The following BAHCC1 variants were observed in gnomAD, a reference collection of about 807,000 sequenced individuals.
The protein encoded by BAHCC1 is BAH domain and coiled-coil containing 1.
Under a neutral mutation model 88.2 loss-of-function variants are expected in BAHCC1, and 43 were observed. That is an observed-to-expected ratio of 0.49 (90% confidence interval 0.38 to 0.63). The LOEUF (loss-of-function observed/expected upper bound fraction) is 0.63. Among genes scored for constraint, BAHCC1 ranks in the 20% least tolerant of loss-of-function variants. The probability of loss-of-function intolerance (pLI) is 0.00; values close to 1 mark genes in which losing one functional copy is unlikely to be tolerated. For missense variants in BAHCC1, 3,023 were observed against 1,654.8 expected (o/e 1.83, Z -14.34); for synonymous variants, 1,510 against 745.5 (o/e 2.03, Z -16.71).
At chr17:81,456,645 G>A in intron 16 of BAHCC1, 60 bp downstream of exon 16, 1 of 659,484 alleles carries the variant, frequency 1.5e-6, no homozygotes, top group South Asian at 1.7e-5. Flanking sequence ...CTCGGGGGCT[G>A]GAGGAGGGGG....
intron 14 of BAHCC1, among the ~76,000 whole-genome samples, chr17:81,453,632 T>G (rs2064689828): frequency 6.7e-6 from 1 of 149,296 alleles, no homozygotes; most frequent in South Asian, 2.2e-4. Context: ...AGGTGTCTCC[T>G]GGGGGGGGGT....
chr17:81,459,461 CA>C (rs781788077), intron 22 of BAHCC1, 34 bp from the exon 23 acceptor site: 1 of 777,474 alleles, frequency 1.3e-6, no homozygotes, highest in South Asian at 1.3e-5. Context: ...GGCCAGGCCC[CA>C]CCTGCTCATG....
rs1555658941 is a variant in BAHCC1 at position 81,460,642 on chromosome 17, A to G, written c.6138A>G (p.Lys2046=). The change falls in exon 25 of 28, where the codon AAA becomes AAG. Residue 2046 remains lysine (K), a synonymous_variant. Transcript: ENST00000675386. ...SEAATPSLSP[K]AQDGPEALKT... is the part of the protein sequence containing the mutation. ...CCGCCACCCCCAGCCTGTCCCCCAA[A>G]GCACAGGACGGCCCCGAAGCTTTGA... is the stretch of plus-strand genomic sequence containing the variant. The G allele has an allele frequency of 1.3e-6, 1 of 772,334 alleles. No homozygotes were observed. Among genetic ancestry groups the G allele is most frequent in the Admixed American group, 1.7e-5 (1 of 57,868 alleles). 47.8% of individuals were successfully genotyped at this position (772,334 alleles called of 1,614,324 possible). A position where few individuals can be genotyped will look rare whatever the true frequency, so the allele number is the denominator to read the frequency against.
intron 3 of BAHCC1, among the ~76,000 whole-genome samples, chr17:81,436,135 T>C (rs4969440): frequency 0.33 from 50,313 of 151,198 alleles, 9,456 homozygotes; most frequent in African/African-American, 0.5. Flanking sequence ...CCCTCCTCCT[T>C]CCCTGGCTCC....
chr17:81,407,733 A>T (rs1011501870), intron 2 of BAHCC1, among the ~76,000 whole-genome samples: 5 of 152,210 alleles, frequency 3.3e-5, no homozygotes, highest in African/African-American at 9.7e-5. Flanking sequence ...AGGATATCCC[A>T]GCGGGGTCTA....
intron 2 of BAHCC1, among the ~76,000 whole-genome samples, chr17:81,419,789 G>A (rs7224789): frequency 1.4e-4 from 20 of 144,728 alleles, no homozygotes; most frequent in Admixed American, 4.8e-4. Flanking sequence ...TCAACGAGGC[G>A]TTTTTTTTTT....
In BAHCC1 at chr17:81,399,132, T is replaced by A; in HGVS notation, c.-206-402T>A. The A allele has an allele frequency of 4.0e-6, 1 of 247,180 alleles. No individual in the cohort carries two copies. Among genetic ancestry groups the A allele is most frequent in the Non-Finnish European group, 8.3e-6 (1 of 120,756 alleles). The allele number at this position is 247,180 out of a possible 1,614,324, so 15.3% of individuals were successfully genotyped here. A position where few individuals can be genotyped will look rare whatever the true frequency, so the allele number is the denominator to read the frequency against. On this transcript the variant is annotated intron_variant, in intron 1 of 27. Coordinates refer to ENST00000675386, the MANE Select transcript of BAHCC1 (RefSeq NM_001377448.1). The surrounding 1 kb of genome is among the most constrained non-coding windows in gnomAD (Gnocchi z 4.5). ...AGGGGAGAGGGTGTGCGTGTGAGTGTGTGTGTGTGTGTGTGTGTGTGCGAG... is the reference window on the plus strand; with the variant it reads ...AGGGGAGAGGGTGTGCGTGTGAGTGAGTGTGTGTGTGTGTGTGTGTGCGAG...
intron 2 of BAHCC1, among the ~76,000 whole-genome samples, chr17:81,415,037 CT>C (rs1357843372): frequency 1.3e-5 from 2 of 152,016 alleles, no homozygotes; most frequent in South Asian, 2.1e-4. Flanking sequence ...CGTTTGCCCC[CT>C]GGTTCCCATT....
At position 81,443,844 on chromosome 17, in the gene BAHCC1, C is replaced by G; in HGVS notation, c.2251C>G (p.Leu751Val). ...GCCCCGTTCCACACACGCGCTGGAC[C>G]TGGAGGCTGAGGAGGAGAGGACGAG... ...GGPRSTHALDLEAEEERTRLC... is the reference protein window; with the variant it reads ...GGPRSTHALDVEAEEERTRLC... Residue 751 changes from leucine to valine, a missense_variant, in exon 6 of 28, where the codon CTG becomes GTG. Physicochemically the swap from Leu to Val is conservative, Grantham distance 32 (BLOSUM62 1). Coordinates refer to ENST00000675386, the MANE Select transcript of BAHCC1 (RefSeq NM_001377448.1). 1.4e-6 allele frequency: 1 copy of G among 714,088 alleles called. No homozygotes were observed. Among genetic ancestry groups the G allele is most frequent in the Non-Finnish European group, 2.6e-6 (1 of 384,866 alleles). The allele number at this position is 714,088 out of a possible 1,614,324, so 44.2% of individuals were successfully genotyped here. A position where few individuals can be genotyped will look rare whatever the true frequency, so the allele number is the denominator to read the frequency against.
chr17:81,457,307 C>T (rs1221206805), intron 16 of BAHCC1, 103 bp from the exon 17 acceptor site: 1 of 658,766 alleles, frequency 1.5e-6, no homozygotes, highest in East Asian at 2.7e-5. Context: ...ACCAGCTCCA[C>T]TCACAGCCCC....
chr17:81,448,895 G>C (rs1228601947), intron 11 of BAHCC1, among the ~76,000 whole-genome samples: 3 of 152,122 alleles, frequency 2.0e-5, no homozygotes, highest in Admixed American at 6.5e-5. Flanking sequence ...GCCCTCCCTT[G>C]GGCCTCCAGC....
intron 3 of BAHCC1, among the ~76,000 whole-genome samples, chr17:81,433,852 C>T (rs1171185792): frequency 6.6e-6 from 1 of 152,254 alleles, no homozygotes; most frequent in Non-Finnish European, 1.5e-5. Context: ...GCACTCGGGG[C>T]CTGGCGGTCA....
At chr17:81,412,751 C>G (rs2063970493) in intron 2 of BAHCC1, among the ~76,000 whole-genome samples, 1 of 152,244 alleles carries the variant, frequency 6.6e-6, no homozygotes. Context: ...CCCACATGAT[C>G]TCACAACTGG....
chr17:81,435,618 T>C lies in BAHCC1; in HGVS notation c.359-2752T>C, dbSNP rs1220138382. Among the ~76,000 whole-genome samples, 3 of 152,198 alleles carry C rather than the reference T, an allele frequency of 2.0e-5. No individual in the cohort carries two copies. The highest frequency in any genetic ancestry group is 7.2e-5 in the African/African-American group (3 of 41,450). ...GCTTGCAGTTGAGGACCTCTGGCTCTGGGTTCATATGGCCCCAGACCCTGC... is the reference window on the plus strand; with the variant it reads ...GCTTGCAGTTGAGGACCTCTGGCTCCGGGTTCATATGGCCCCAGACCCTGC... On this transcript the variant is annotated intron_variant, in intron 3 of 27. Transcript: ENST00000675386. This position sits in a 1 kb window ranked among gnomAD's most constrained non-coding sequence, Gnocchi z 4.4.
In BAHCC1 at chr17:81,435,570, G is replaced by A; in HGVS notation, c.359-2800G>A. Reference sequence around the variant, plus strand: ...AAGGGGTCTGGGAAGGGGAGGTTCTGGAGCCCCGACGTTCTAGCAGGAGCT... The same window carrying A: ...AAGGGGTCTGGGAAGGGGAGGTTCTAGAGCCCCGACGTTCTAGCAGGAGCT... On this transcript the variant is annotated intron_variant, in intron 3 of 27. Transcript: ENST00000675386. The surrounding 1 kb of genome is among the most constrained non-coding windows in gnomAD (Gnocchi z 4.4). 2.2e-6 allele frequency: 1 copy of A among 456,650 alleles called. No homozygotes were observed. The allele number at this position is 456,650 out of a possible 1,614,324, so 28.3% of individuals were successfully genotyped here.
At chr17:81,396,150 G>C (rs1567987604) in intron 1 of BAHCC1, 1 of 152,314 alleles carries the variant, frequency 6.6e-6, no homozygotes, top group Non-Finnish European at 1.5e-5. Flanking sequence ...TGCCCGGTCG[G>C]TCCGCGGCGA....
chr17:81,417,560 C>CCCG (rs10631962), intron 2 of BAHCC1, among the ~76,000 whole-genome samples: 53,730 of 136,982 alleles, frequency 0.39, 7,753 homozygotes, highest in Middle Eastern at 0.56. Flanking sequence ...CGGCCACCCC[C>CCCG]CCCCCGCCCT....
Position 81,399,597 on chromosome 17 carries a change from C to T in BAHCC1, c.-143C>T, listed in dbSNP as rs1185732499. 3 of 504,594 alleles carry T rather than the reference C, an allele frequency of 5.9e-6. 1 individual carries two copies. In the African/African-American group the frequency reaches 6.3e-5, roughly 11 times the overall value. The allele number at this position is 504,594 out of a possible 1,614,324, so 31.3% of individuals were successfully genotyped here. ...GCCGCCCGCCGAGAAGCCCAGTCCT[C>T]CCGCGTGCTGACCGGCCCCGCCGCC... is the stretch of plus-strand genomic sequence containing the variant. On this transcript the variant is annotated 5_prime_UTR_variant, in exon 2 of 28. Transcript: ENST00000675386. This position sits in a 1 kb window ranked among gnomAD's most constrained non-coding sequence, Gnocchi z 4.5.
intron 14 of BAHCC1, among the ~76,000 whole-genome samples, chr17:81,454,554 A>AC (rs1568030970): frequency 0.11 from 8,300 of 77,326 alleles, 108 homozygotes; most frequent in Middle Eastern, 0.22. Context: ...ACCCCACCCC[A>AC]CCCACCTGCC....
Sources: allele counts gnomAD v4.1 joint callset (sites outside exome capture counted in the v4.1 genomes callset), GRCh38; gene constraint gnomAD v4.1.1; non-coding constraint Gnocchi (gnomAD v3.1); transcripts MANE v1.5; gene names NCBI Gene and HGNC (gene_info 2026-07-23, HGNC 2026-07-21).